The following SOD1 variants were observed in gnomAD, a reference collection of about 807,000 sequenced individuals.
SOD1 encodes superoxide dismutase 1, also known as superoxide dismutase [Cu-Zn].
In SOD1, 8 loss-of-function variants were observed where a neutral mutation model predicts 15.9. That is an observed-to-expected ratio of 0.50 (90% CI 0.30 to 0.91). The LOEUF (loss-of-function observed/expected upper bound fraction) is 0.91, where lower values mean the gene tolerates loss of function less well. SOD1 is among the 40% of genes least tolerant of loss of function. The pLI is 0.07. For missense variants in SOD1, 137 were observed against 194.5 expected (o/e 0.70, Z 1.76); for synonymous variants, 86 against 71.2 (o/e 1.21, Z -1.04).
At chr21:31,666,092 C>T (rs2049590642) in intron 2 of SOD1, among the ~76,000 whole-genome samples, 2 of 151,842 alleles carry the variant, frequency 1.3e-5, no homozygotes, top group South Asian at 4.1e-4. Context: ...CTGCCTCAGC[C>T]TACTAAGTAG....
In SOD1 at chr21:31,661,034, G is replaced by A. The variant is rs2049544391; in HGVS notation, c.72+1193G>A. Among the ~76,000 whole-genome samples the A allele has an allele frequency of 4.6e-5, 7 of 152,186 alleles. No homozygotes were observed. In the South Asian group the frequency reaches 1.4e-3, roughly 32 times the overall value. ...TTACAAAACGTGTTGCAAGGAAGGT[G>A]CTTGTGATAACACTGTCCCCAGAAC... On this transcript the variant is annotated intron_variant, in intron 1 of 4. Transcript: ENST00000270142.
intron 3 of SOD1, 87 bp downstream of exon 3, chr21:31,666,605 T>A: frequency 1.0e-6 from 1 of 1,004,306 alleles, no homozygotes; most frequent in Non-Finnish European, 1.6e-6. Flanking sequence ...GCTAAGATAA[T>A]TCCGTGTTTC....
chr21:31,666,983 G>C, intron 3 of SOD1: 1 of 508,652 alleles, frequency 2.0e-6, no homozygotes, highest in East Asian at 3.5e-5. Flanking sequence ...AGAGGCCTTG[G>C]GACATAGCTT....
At chr21:31,667,223 C>A in intron 3 of SOD1, 35 bp from the exon 4 acceptor site, 1 of 1,498,520 alleles carries the variant, frequency 6.7e-7, no homozygotes, top group Non-Finnish European at 9.3e-7. Context: ...TTAGTGGCAT[C>A]AGCCCTAATC....
intron 2 of SOD1, 99 bp from the exon 3 acceptor site, chr21:31,666,350 G>C (rs2049592815): frequency 1.2e-6 from 1 of 865,458 alleles, no homozygotes; most frequent in Admixed American, 2.0e-5. Flanking sequence ...ATGCAGGTCA[G>C]CACTTTCTCC....
At chr21:31,666,771 C>T (rs1460770295) in intron 3 of SOD1, 2 of 529,406 alleles carry the variant, frequency 3.8e-6, no homozygotes, top group East Asian at 6.8e-5. Flanking sequence ...AATACAAGTG[C>T]CAAAGGGGAA....
chr21:31,666,665 A>C, intron 3 of SOD1, 147 bp downstream of exon 3: 1 of 705,410 alleles, frequency 1.4e-6, no homozygotes, highest in South Asian at 1.5e-5. Flanking sequence ...CCTGCTCCCA[A>C]ATGCTGGAAT....
rs999744184 is a variant in SOD1, at chr21:31,668,851, CTT to C, written c.*275_*276del. On this transcript the variant is annotated 3_prime_UTR_variant, in exon 5 of 5. Transcript: ENST00000270142. Reference sequence around the variant, plus strand: ...ATGGGTATTAAACTTGTCAGAATTTCTTTGTCATTCAAGCCTGTGAATAAAAA... The same window carrying C: ...ATGGGTATTAAACTTGTCAGAATTTCTGTCATTCAAGCCTGTGAATAAAAA... 1 of 409,064 alleles carries C rather than the reference CTT, an allele frequency of 2.4e-6. No homozygotes were observed. Among genetic ancestry groups the C allele is most frequent in the Non-Finnish European group, 4.5e-6 (1 of 220,946 alleles). 25.3% of individuals were successfully genotyped at this position (409,064 alleles called of 1,614,324 possible).
At chr21:31,662,070 T>C (rs2049552981) in intron 1 of SOD1, among the ~76,000 whole-genome samples, 2 of 152,202 alleles carry the variant, frequency 1.3e-5, no homozygotes, top group African/African-American at 4.8e-5. Context: ...TTTTTTCGCT[T>C]CCCAGGCCTG....
intron 1 of SOD1, among the ~76,000 whole-genome samples, chr21:31,663,114 G>A (rs576134395): frequency 6.8e-6 from 1 of 147,130 alleles, no homozygotes; most frequent in Non-Finnish European, 1.5e-5. Context: ...ACATTTCCAG[G>A]GCGACTTTTT....
At chr21:31,666,797 T>C (rs2123434886) in intron 3 of SOD1, 1 of 496,438 alleles carries the variant, frequency 2.0e-6, no homozygotes, top group African/African-American at 1.9e-5. Context: ...ACAGGAAATG[T>C]CATGAACAGT....
chr21:31,659,979 G>T, intron 1 of SOD1, 138 bp downstream of exon 1: 1 of 748,430 alleles, frequency 1.3e-6, no homozygotes, highest in South Asian at 1.9e-5. Context: ...CGTGCCGCCC[G>T]GTCGGTGCCT....
At position 31,659,720 on chromosome 21, in the gene SOD1, G is replaced by A. The variant is rs771875500; in HGVS notation, c.-50G>A. 3 of 1,588,272 alleles carry A rather than the reference G, an allele frequency of 1.9e-6. No homozygotes were observed. The highest frequency in any genetic ancestry group is 1.1e-5 in the South Asian group (1 of 90,548). On this transcript the variant is annotated 5_prime_UTR_variant, in exon 1 of 5. Coordinates refer to ENST00000270142, the MANE Select transcript of SOD1 (RefSeq NM_000454.5). Reference sequence around the variant, plus strand: ...GTCGTAGTCTCCTGCAGCGTCTGGGGTTTCCGTTGCAGTCCTCGGAACCAG... The same window carrying A: ...GTCGTAGTCTCCTGCAGCGTCTGGGATTTCCGTTGCAGTCCTCGGAACCAG...
chr21:31,664,016 G>A (rs2049571826), intron 2 of SOD1, 130 bp downstream of exon 2: 2 of 708,148 alleles, frequency 2.8e-6, no homozygotes, highest in African/African-American at 3.5e-5. Flanking sequence ...CTGTCGCTCA[G>A]GCTGGAGTGC....
Position 31,668,658 on chromosome 21 carries a change from T to G in SOD1, c.*80T>G, listed in dbSNP as rs1435878726. 1 of 1,042,064 alleles carries G rather than the reference T, an allele frequency of 9.6e-7. No homozygotes were observed. Among genetic ancestry groups the G allele is most frequent in the East Asian group, 2.4e-5 (1 of 41,708 alleles). The allele number at this position is 1,042,064 out of a possible 1,614,324, so 64.6% of individuals were successfully genotyped here. A position where few individuals can be genotyped will look rare whatever the true frequency, so the allele number is the denominator to read the frequency against. ...TGTAGAAATGTATCCTGATAAACAT[T>G]AAACACTGTAATCTTAAAAGTGTAA... On this transcript the variant is annotated 3_prime_UTR_variant, in exon 5 of 5. Transcript: ENST00000270142.
chr21:31,661,247 CT>C (rs2049546220), intron 1 of SOD1, among the ~76,000 whole-genome samples: 1 of 152,198 alleles, frequency 6.6e-6, no homozygotes, highest in South Asian at 2.1e-4. Flanking sequence ...TAGCCTTTTT[CT>C]TTAATAGGTC....
At chr21:31,665,110 A>G (rs2049582058) in intron 2 of SOD1, among the ~76,000 whole-genome samples, 1 of 152,194 alleles carries the variant, frequency 6.6e-6, no homozygotes, top group East Asian at 1.9e-4. Flanking sequence ...CCAAAGTATG[A>G]TACAAACTGA....
intron 3 of SOD1, chr21:31,666,738 T>C (rs537940144): frequency 5.1e-6 from 3 of 586,584 alleles, no homozygotes; most frequent in African/African-American, 3.7e-5. Flanking sequence ...TTTGGTTTTG[T>C]AGCATTTATT....
intron 2 of SOD1, among the ~76,000 whole-genome samples, chr21:31,665,797 G>T (rs994759400): frequency 1.3e-5 from 2 of 152,116 alleles, no homozygotes; most frequent in Non-Finnish European, 2.9e-5. Context: ...GGGGAGATGA[G>T]TTTTTTGTAA....
Sources: gnomAD v4.1 joint callset for allele counts (sites outside exome capture counted in the v4.1 genomes callset) on GRCh38, gnomAD v4.1.1 for gene constraint, MANE v1.5 for transcripts, NCBI Gene and HGNC (gene_info 2026-07-23, HGNC 2026-07-21) for gene names.